The following LRRC28 variants were observed in gnomAD, a reference collection of about 807,000 sequenced individuals.
The protein encoded by LRRC28 is leucine rich repeat containing 28, also known as leucine-rich repeat-containing protein 28.
In LRRC28, 39 loss-of-function variants were observed where a neutral mutation model predicts 45.7. The observed-to-expected ratio is 0.85, with a 90% CI of 0.66 to 1.12. The LOEUF (loss-of-function observed/expected upper bound fraction) is 1.12. Among genes scored for constraint, LRRC28 ranks in the 50% most tolerant of loss-of-function variants. The probability of loss-of-function intolerance (pLI) is 0.00; values close to 1 mark genes in which losing one functional copy is unlikely to be tolerated. For synonymous variants in LRRC28, 206 were observed against 178.8 expected (o/e 1.15, Z -1.22); for missense variants, 435 against 438.5 (o/e 0.99, Z 0.07).
rs567525532 is a variant in LRRC28, at chr15:99,347,001, A to G, written c.593-5368A>G. Among the ~76,000 whole-genome samples, 6 of 152,320 alleles carry G rather than the reference A, an allele frequency of 3.9e-5. No homozygotes were observed. The South Asian group carries it at 1.2e-3, about 32-fold the overall frequency. ...TGTAGACAAACAAATGAACATATCT[A>G]TCATCTCACATAGTTTTTCATGACA... On this transcript the variant is annotated intron_variant, in intron 6 of 9. Coordinates refer to ENST00000301981, the MANE Select transcript of LRRC28 (RefSeq NM_144598.5).
At chr15:99,256,205 T>TG in intron 2 of LRRC28, 80 bp downstream of exon 2, 1 of 1,169,856 alleles carries the variant, frequency 8.5e-7, no homozygotes, top group South Asian at 1.8e-5. Context: ...CCCTAAGGTA[T>TG]TCAGACCAAG....
At chr15:99,328,147 C>T (rs964010665) in intron 5 of LRRC28, among the ~76,000 whole-genome samples, 1 of 152,114 alleles carries the variant, frequency 6.6e-6, no homozygotes, top group South Asian at 2.1e-4. Flanking sequence ...GAGAATATAC[C>T]ATGTGCACTT....
chr15:99,287,702 A>G (rs1567627835), intron 4 of LRRC28, 112 bp from the exon 5 acceptor site: 1 of 1,189,270 alleles, frequency 8.4e-7, no homozygotes. Context: ...TTTGTGAGCA[A>G]CTGAGACAAG....
intron 6 of LRRC28, among the ~76,000 whole-genome samples, chr15:99,350,329 G>C (rs1018160659): frequency 2.6e-5 from 4 of 152,028 alleles, no homozygotes; most frequent in Non-Finnish European, 5.9e-5. Context: ...GTTCCTTTTT[G>C]TAACTGGGCA....
chr15:99,352,003 C>G (rs1956894726), intron 6 of LRRC28, among the ~76,000 whole-genome samples: 1 of 152,126 alleles, frequency 6.6e-6, no homozygotes, highest in Non-Finnish European at 1.5e-5. Context: ...TGAAGACAGG[C>G]CAGGGTGATT....
Position 99,266,295 on chromosome 15 carries a change from G to A in LRRC28, c.168+10170G>A, listed in dbSNP as rs191885173. 9.9e-5 allele frequency among the ~76,000 whole-genome samples: 15 copies of A among 152,158 alleles called. No individual in the cohort carries two copies. In the East Asian group the frequency reaches 1.5e-3, roughly 16 times the overall value. ...AAAAGAATACAGATAGCAAAAACAC[G>A]TAAAAAGATGTTCAACTTTTAGAAG... On this transcript the variant is annotated intron_variant, in intron 2 of 9. Coordinates refer to ENST00000301981, the MANE Select transcript of LRRC28 (RefSeq NM_144598.5).
rs1957615540 is a variant in LRRC28, at chr15:99,375,880, G to C, written c.1032-10150G>C. 2.6e-5 allele frequency among the ~76,000 whole-genome samples: 4 copies of C among 151,924 alleles called. No individual in the cohort carries two copies. The South Asian group carries it at 8.3e-4, about 32-fold the overall frequency. ...TGTCAGTCTTGGTCAAGATTTATCA[G>C]TTTTATTGTTATTCATAATCCTAGT... On this transcript the variant is annotated intron_variant, in intron 9 of 9. Transcript: ENST00000301981.
intron 2 of LRRC28, chr15:99,257,724 G>A: frequency 1.0e-5 from 8 of 776,520 alleles, no homozygotes; most frequent in Non-Finnish European, 1.7e-5. Context: ...AGGTACAGTA[G>A]AAGAGGATCT....
intron 6 of LRRC28, among the ~76,000 whole-genome samples, chr15:99,343,768 G>A (rs1308249900): frequency 1.3e-5 from 2 of 152,172 alleles, no homozygotes; most frequent in Non-Finnish European, 2.9e-5. Flanking sequence ...TAGTACACGA[G>A]TGATCTCTTC....
intron 6 of LRRC28, among the ~76,000 whole-genome samples, chr15:99,339,835 C>T (rs992718520): frequency 1.3e-5 from 2 of 152,120 alleles, no homozygotes; most frequent in Admixed American, 1.3e-4. Context: ...TAGAAAATAA[C>T]TTTCTACGAG....
At chr15:99,343,834 A>G (rs1405699965) in intron 6 of LRRC28, among the ~76,000 whole-genome samples, 2 of 152,212 alleles carry the variant, frequency 1.3e-5, no homozygotes, top group Non-Finnish European at 2.9e-5. Flanking sequence ...GAAACATCTC[A>G]AAGCCTTTTC....
chr15:99,255,132 G>A (rs1347354241), intron 1 of LRRC28, among the ~76,000 whole-genome samples: 1 of 152,174 alleles, frequency 6.6e-6, no homozygotes, highest in East Asian at 1.9e-4. Flanking sequence ...TGAGGTGGGA[G>A]GATTGCTTGA....
intron 5 of LRRC28, among the ~76,000 whole-genome samples, chr15:99,307,372 A>C (rs1023346795): frequency 1.3e-5 from 2 of 152,224 alleles, no homozygotes; most frequent in African/African-American, 4.8e-5. Context: ...GCCATCCAAA[A>C]GTGTGAAAGA....
intron 6 of LRRC28, among the ~76,000 whole-genome samples, chr15:99,347,265 A>G (rs920688048): frequency 9.3e-5 from 14 of 150,244 alleles, no homozygotes; most frequent in South Asian, 4.2e-4. Context: ...GCTGGAGTGC[A>G]GTGGTGCTAT....
chr15:99,365,638 A>G (rs778017080), intron 9 of LRRC28, among the ~76,000 whole-genome samples: 4 of 152,240 alleles, frequency 2.6e-5, no homozygotes, highest in African/African-American at 9.6e-5. Flanking sequence ...TAAGTTTTCT[A>G]ATATATTCAG....
intron 7 of LRRC28, among the ~76,000 whole-genome samples, chr15:99,359,818 T>C (rs1388057995): frequency 1.3e-5 from 2 of 152,190 alleles, no homozygotes; most frequent in African/African-American, 4.8e-5. Context: ...GCATAAAAGA[T>C]TATGTGAACA....
At chr15:99,296,985 C>T (rs1177635409) in intron 5 of LRRC28, among the ~76,000 whole-genome samples, 1 of 152,048 alleles carries the variant, frequency 6.6e-6, no homozygotes, top group African/African-American at 2.4e-5. Flanking sequence ...TCTGCCTCAG[C>T]TTGCTAGATG....
chr15:99,302,815 C>A (rs1301736850), intron 5 of LRRC28, among the ~76,000 whole-genome samples: 1 of 152,192 alleles, frequency 6.6e-6, no homozygotes, highest in Non-Finnish European at 1.5e-5. Flanking sequence ...TACATAACCT[C>A]ATGTTTTAGT....
At chr15:99,269,242 G>C (rs1303976505) in intron 2 of LRRC28, among the ~76,000 whole-genome samples, 1 of 152,096 alleles carries the variant, frequency 6.6e-6, no homozygotes, top group African/African-American at 2.4e-5. Context: ...CAAATGCTAA[G>C]CAAATACTTT....
Sources: gnomAD v4.1 joint callset for allele counts (sites outside exome capture counted in the v4.1 genomes callset) on GRCh38, gnomAD v4.1.1 for gene constraint, MANE v1.5 for transcripts, NCBI Gene and HGNC (gene_info 2026-07-23, HGNC 2026-07-21) for gene names.